The following FSTL5 variants were observed in gnomAD, a reference collection of about 807,000 sequenced individuals.
FSTL5 encodes follistatin-related protein 5.
FSTL5 carries 62 observed loss-of-function variants against 89.1 expected under a neutral mutation model. The ratio of observed to expected loss-of-function variants is 0.70; its 90% CI spans 0.57 to 0.86. FSTL5 has a LOEUF of 0.86. FSTL5 is among the 40% of genes least tolerant of loss of function. The probability of loss-of-function intolerance (pLI) is 0.00; values close to 1 mark genes in which losing one functional copy is unlikely to be tolerated. For missense variants in FSTL5, 1,057 were observed against 1,001.6 expected, an observed-to-expected ratio of 1.06 and a Z score of -0.75; for synonymous variants, 383 against 346.2, an observed-to-expected ratio of 1.11 and a Z score of -1.18.
At chr4:162,024,295 T>C (rs1370795722) in intron 3 of FSTL5, among the ~76,000 whole-genome samples, 1 of 152,210 alleles carries the variant, frequency 6.6e-6, no homozygotes, top group African/African-American at 2.4e-5. Context: ...ATTTACCTTC[T>C]TGTGAATATA....
chr4:161,722,129 A>G (rs1739239888), intron 6 of FSTL5, among the ~76,000 whole-genome samples: 1 of 152,108 alleles, frequency 6.6e-6, no homozygotes, highest in South Asian at 2.1e-4. Flanking sequence ...CTTAAGGATT[A>G]TGTGTGTGTC....
intron 4 of FSTL5, among the ~76,000 whole-genome samples, chr4:161,797,819 G>T (rs1206924521): frequency 6.6e-6 from 1 of 151,430 alleles, no homozygotes; most frequent in African/African-American, 2.4e-5. Context: ...TTATAAACCT[G>T]CCAGGAATAT....
At chr4:161,777,385 T>C (rs1664299205) in intron 4 of FSTL5, among the ~76,000 whole-genome samples, 1 of 152,026 alleles carries the variant, frequency 6.6e-6, no homozygotes, top group Admixed American at 6.6e-5. Context: ...GATATTCTAA[T>C]TTCCTGTCTT....
intron 1 of FSTL5, among the ~76,000 whole-genome samples, chr4:162,125,781 A>G (rs1287430945): frequency 6.6e-6 from 1 of 152,088 alleles, no homozygotes; most frequent in Admixed American, 6.5e-5. Context: ...TTTTTACTAT[A>G]ACAAAAATTT....
rs114812201 is a variant in FSTL5 at position 161,714,568 on chromosome 4, G to C, written c.727+44843C>G. 3.1e-3 allele frequency among the ~76,000 whole-genome samples: 471 copies of C among 152,248 alleles called. 2 individuals carry two copies. The highest frequency in any genetic ancestry group is 0.011 in the African/African-American group (449 of 41,562). On this transcript the variant is annotated intron_variant, in intron 6 of 15. Transcript: ENST00000306100. Reference sequence around the variant, plus strand: ...AATGTTCACTCTCTAAGCTGGATTTGCTGTGCTGCTAACTGGATCCTTGCT... The same window carrying C: ...AATGTTCACTCTCTAAGCTGGATTTCCTGTGCTGCTAACTGGATCCTTGCT...
chr4:161,919,056 T>G (rs1473969841), intron 4 of FSTL5, among the ~76,000 whole-genome samples: 2 of 152,178 alleles, frequency 1.3e-5, no homozygotes, highest in Admixed American at 1.3e-4. Context: ...TTATATATTA[T>G]GTACATAATT....
At chr4:162,147,349 C>G (rs1336372985) in intron 1 of FSTL5, among the ~76,000 whole-genome samples, 1 of 152,174 alleles carries the variant, frequency 6.6e-6, no homozygotes, top group East Asian at 1.9e-4. Flanking sequence ...CATAAAAATA[C>G]TACTTTTCAA....
chr4:162,039,875 T>C (rs1398001242), intron 2 of FSTL5, among the ~76,000 whole-genome samples: 10 of 152,068 alleles, frequency 6.6e-5, no homozygotes, highest in East Asian at 5.8e-4. Context: ...TCCATAGGTC[T>C]TCCTACAGTA....
At chr4:161,580,052 C>T (rs1212748992) in intron 8 of FSTL5, among the ~76,000 whole-genome samples, 1 of 152,030 alleles carries the variant, frequency 6.6e-6, no homozygotes, top group Non-Finnish European at 1.5e-5. Flanking sequence ...AGTTTTATTT[C>T]TCTCAGAATT....
At chr4:161,947,917 T>C in intron 3 of FSTL5, among the ~76,000 whole-genome samples, 1 of 152,192 alleles carries the variant, frequency 6.6e-6, no homozygotes, top group South Asian at 2.1e-4. Flanking sequence ...GCTTTTCTTA[T>C]ATTTAGGTAT....
At chr4:161,734,076 G>A (rs1383028193) in intron 6 of FSTL5, among the ~76,000 whole-genome samples, 1 of 151,990 alleles carries the variant, frequency 6.6e-6, no homozygotes, top group Non-Finnish European at 1.5e-5. Flanking sequence ...CATATTCAAT[G>A]AGAAAGTATG....
At chr4:162,028,246 T>C (rs1332056137) in intron 3 of FSTL5, among the ~76,000 whole-genome samples, 1 of 152,158 alleles carries the variant, frequency 6.6e-6, no homozygotes, top group Non-Finnish European at 1.5e-5. Context: ...AAAAATAACT[T>C]TTTGGACTAA....
intron 5 of FSTL5, among the ~76,000 whole-genome samples, chr4:161,765,942 T>C (rs1740982561): frequency 6.6e-6 from 1 of 151,696 alleles, no homozygotes; most frequent in East Asian, 2.0e-4. Flanking sequence ...TTACAGGTGC[T>C]CGCCACCATG....
Position 161,623,283 on chromosome 4 carries a change from C to G in FSTL5, c.894+33045G>C, listed in dbSNP as rs115936704. 5.1e-3 allele frequency among the ~76,000 whole-genome samples: 768 copies of G among 151,852 alleles called. 6 individuals are homozygous for G. The highest frequency in any genetic ancestry group is 0.017 in the African/African-American group (721 of 41,474). On this transcript the variant is annotated intron_variant, in intron 7 of 15. Coordinates refer to ENST00000306100, the MANE Select transcript of FSTL5 (RefSeq NM_020116.5). ...GGATTTTCCAGGTGGTACAATAAGT[C>G]AAGGAAAATAAATAAAAGTATGGAG...
At chr4:161,780,903 T>C (rs1179220142) in intron 4 of FSTL5, among the ~76,000 whole-genome samples, 1 of 152,144 alleles carries the variant, frequency 6.6e-6, no homozygotes, top group Non-Finnish European at 1.5e-5. Context: ...TATCCTCCAG[T>C]AAAAAGTACC....
intron 3 of FSTL5, among the ~76,000 whole-genome samples, chr4:161,948,548 A>G (rs1469865605): frequency 7.1e-6 from 1 of 140,450 alleles, no homozygotes; most frequent in Non-Finnish European, 1.5e-5. Context: ...ATGCAGTTCA[A>G]GCCGTTCTCC....
intron 3 of FSTL5, among the ~76,000 whole-genome samples, chr4:161,970,923 A>T (rs1375534656): frequency 6.6e-6 from 1 of 152,138 alleles, no homozygotes; most frequent in East Asian, 1.9e-4. Flanking sequence ...TTAAGAGTTC[A>T]TACCTGGTAT....
chr4:161,972,763 T>C (rs1171615371), intron 3 of FSTL5, among the ~76,000 whole-genome samples: 2 of 152,238 alleles, frequency 1.3e-5, no homozygotes, highest in African/African-American at 4.8e-5. Context: ...GAAACTGTTA[T>C]GTATAAATGT....
At chr4:161,894,761 G>A (rs566499208) in intron 4 of FSTL5, among the ~76,000 whole-genome samples, 107 of 152,182 alleles carry the variant, frequency 7.0e-4, no homozygotes, top group Non-Finnish European at 1.4e-3. Flanking sequence ...CGTCATGCCC[G>A]GCCCAGTCAA....
Sources: allele counts gnomAD v4.1 joint callset (sites outside exome capture counted in the v4.1 genomes callset), GRCh38; gene constraint gnomAD v4.1.1; transcripts MANE v1.5; gene names NCBI Gene and HGNC (gene_info 2026-07-23, HGNC 2026-07-21).